Variants in VGLL3 observed in about 807,000 individuals in gnomAD.
VGLL3 encodes the protein transcription cofactor vestigial-like protein 3.
In VGLL3, 18 loss-of-function variants were observed where a neutral mutation model predicts 29.2. The observed-to-expected ratio is 0.62, with a 90% confidence interval of 0.43 to 0.91. The LOEUF (loss-of-function observed/expected upper bound fraction) is 0.91, where lower values mean the gene tolerates loss of function less well. Ranked by LOEUF, VGLL3 falls within the 40% of genes least tolerant of loss-of-function variation. The pLI is 0.00. For synonymous variants in VGLL3, 180 were observed against 151.8 expected (o/e 1.19, Z -1.36); for missense variants, 440 against 413.2 (o/e 1.06, Z -0.56).
At chr3:86,963,139 G>A (rs1704890783) in intron 3 of VGLL3, 1 of 156,822 alleles carries the variant, frequency 6.4e-6, no homozygotes, top group African/African-American at 2.4e-5. Flanking sequence ...GTTCATCACA[G>A]TATTATTCCT....
intron 1 of VGLL3, among the ~76,000 whole-genome samples, chr3:86,981,104 G>T (rs1705316704): frequency 6.6e-6 from 1 of 151,994 alleles, no homozygotes. Flanking sequence ...ATTCTTAGAT[G>T]AAATAAAATT....
intron 3 of VGLL3, chr3:86,962,696 G>A (rs558953580): frequency 2.3e-5 from 19 of 822,074 alleles, no homozygotes; most frequent in Non-Finnish European, 2.8e-5. Flanking sequence ...ATATTTCCAA[G>A]AGAATTAAAC....
intron 1 of VGLL3, among the ~76,000 whole-genome samples, chr3:86,988,640 CAAAAAAAAAAAAAAAAAAAAA>C (rs869098443): frequency 1.8e-3 from 25 of 13,754 alleles, no homozygotes; most frequent in South Asian, 0.016. Context: ...TTTACTTGAC[CAAAAAAAAAAAAAAAAAAAAA>C]AAAAAAAAAA....
intron 1 of VGLL3, among the ~76,000 whole-genome samples, chr3:86,980,396 T>C (rs1705300272): frequency 6.6e-6 from 1 of 152,118 alleles, no homozygotes; most frequent in African/African-American, 2.4e-5. Flanking sequence ...ACTATGAACT[T>C]CTAGTTATCG....
intron 2 of VGLL3, among the ~76,000 whole-genome samples, chr3:86,976,000 G>A (rs1292564608): frequency 1.3e-5 from 2 of 152,078 alleles, no homozygotes; most frequent in Admixed American, 6.5e-5. Context: ...TGTAATCCCA[G>A]CTACTCAGGA....
chr3:86,956,996 C>T (rs1274712275), intron 3 of VGLL3, among the ~76,000 whole-genome samples: 2 of 152,076 alleles, frequency 1.3e-5, no homozygotes, highest in Non-Finnish European at 2.9e-5. Context: ...CATAGTCTAA[C>T]TTCCTTTTTT....
At chr3:86,947,307 A>C (rs1237135421) in intron 3 of VGLL3, among the ~76,000 whole-genome samples, 3 of 152,206 alleles carry the variant, frequency 2.0e-5, no homozygotes, top group African/African-American at 7.2e-5. Context: ...TATTTATACA[A>C]TACAAATTAT....
chr3:86,957,882 T>C (rs1392232699), intron 3 of VGLL3, among the ~76,000 whole-genome samples: 2 of 152,164 alleles, frequency 1.3e-5, no homozygotes, highest in African/African-American at 4.8e-5. Context: ...ATATTCTTCT[T>C]CTAAAGTCCT....
intron 2 of VGLL3, among the ~76,000 whole-genome samples, chr3:86,969,596 G>A (rs1705047316): frequency 6.6e-6 from 1 of 152,006 alleles, no homozygotes; most frequent in South Asian, 2.1e-4. Context: ...AATGCCGAAG[G>A]TAACAATGGA....
At position 86,968,585 on chromosome 3, in the gene VGLL3, C is replaced by T; in HGVS notation, c.937+5G>A. The T allele has an allele frequency of 6.2e-7, 1 of 1,607,304 alleles. No homozygotes were observed. Among genetic ancestry groups the T allele is most frequent in the Middle Eastern group, 1.8e-4 (1 of 5,428 alleles). On this transcript the variant is annotated splice_donor_5th_base_variant and intron_variant, in intron 3 of 3. Transcript: ENST00000398399. Reference sequence around the variant, plus strand: ...TTATAGGAAGAAAGAAATCCAGCAGCTTACCTGTATCGAATCCCACGCTGG... The same window carrying T: ...TTATAGGAAGAAAGAAATCCAGCAGTTTACCTGTATCGAATCCCACGCTGG...
intron 3 of VGLL3, among the ~76,000 whole-genome samples, chr3:86,952,147 G>C (rs528936409): frequency 9.2e-5 from 14 of 152,226 alleles, no homozygotes; most frequent in African/African-American, 3.4e-4. Context: ...AATGAGGAAA[G>C]AATCTGAGAA....
At chr3:86,970,483 GCACACACACACA>G (rs10694503) in intron 2 of VGLL3, among the ~76,000 whole-genome samples, 17 of 141,294 alleles carry the variant, frequency 1.2e-4, no homozygotes, top group African/African-American at 1.8e-4. Flanking sequence ...TTACACACAC[GCACACACACACA>G]CACACACACA....
intron 3 of VGLL3, among the ~76,000 whole-genome samples, chr3:86,955,862 T>G (rs923668326): frequency 6.6e-6 from 1 of 152,146 alleles, no homozygotes; most frequent in Non-Finnish European, 1.5e-5. Context: ...AACACATACT[T>G]GTGTTAAAAA....
intron 3 of VGLL3, among the ~76,000 whole-genome samples, chr3:86,955,107 T>G (rs1488114836): frequency 6.6e-6 from 1 of 151,898 alleles, no homozygotes; most frequent in Non-Finnish European, 1.5e-5. Context: ...TGGATCCATT[T>G]CCTACCCAAA....
intron 3 of VGLL3, among the ~76,000 whole-genome samples, chr3:86,949,759 A>G (rs542408799): frequency 4.1e-4 from 62 of 150,898 alleles, no homozygotes; most frequent in South Asian, 8.4e-4. Context: ...CCCGGGAGGC[A>G]GAGCTCACAG....
chr3:86,987,370 T>C (rs1705468891), intron 1 of VGLL3, among the ~76,000 whole-genome samples: 3 of 152,194 alleles, frequency 2.0e-5, no homozygotes, highest in African/African-American at 7.2e-5. Flanking sequence ...AAAGCATGCA[T>C]GCAGATTCAT....
intron 2 of VGLL3, among the ~76,000 whole-genome samples, chr3:86,975,768 G>C (rs535435314): frequency 6.6e-6 from 1 of 152,090 alleles, no homozygotes; most frequent in African/African-American, 2.4e-5. Context: ...AAATTGAAGC[G>C]CATGCTGTGT....
At chr3:86,969,236 A>G in intron 2 of VGLL3, 113 bp from the exon 3 acceptor site, 1 of 1,281,608 alleles carries the variant, frequency 7.8e-7, no homozygotes, top group East Asian at 2.5e-5. Context: ...CAGTCAAATT[A>G]GCATGCACTC....
At chr3:86,976,096 A>G (rs1473918470) in intron 2 of VGLL3, among the ~76,000 whole-genome samples, 1 of 151,932 alleles carries the variant, frequency 6.6e-6, no homozygotes, top group Non-Finnish European at 1.5e-5. Flanking sequence ...CCTGGGTGAC[A>G]AGAGCGAAAC....
Sources: gnomAD v4.1 joint callset for allele counts (sites outside exome capture counted in the v4.1 genomes callset) on GRCh38, gnomAD v4.1.1 for gene constraint, MANE v1.5 for transcripts, NCBI Gene and HGNC (gene_info 2026-07-23, HGNC 2026-07-21) for gene names.